NCALD: variants seen among roughly 807,000 people sequenced by gnomAD.
NCALD encodes the protein neurocalcin delta, also known as neurocalcin-delta.
NCALD carries 10 observed loss-of-function variants against 18.6 expected under a neutral mutation model. The ratio of observed to expected loss-of-function variants is 0.54; its 90% CI spans 0.33 to 0.91. The LOEUF is 0.91. Ranked by LOEUF, NCALD falls within the 40% of genes least tolerant of loss-of-function variation. The pLI is 0.03. For synonymous variants in NCALD, 88 were observed against 87.4 expected, an observed-to-expected ratio of 1.01 and a Z score of -0.04; for missense variants, 184 against 247.6, an observed-to-expected ratio of 0.74 and a Z score of 1.72.
At chr8:101,786,227 C>A (rs1812221698) in intron 1 of NCALD, among the ~76,000 whole-genome samples, 1 of 152,150 alleles carries the variant, frequency 6.6e-6, no homozygotes, top group Admixed American at 6.6e-5. Flanking sequence ...TTGCTGAATG[C>A]ATGAAAGACT....
intron 2 of NCALD, among the ~76,000 whole-genome samples, chr8:102,002,256 A>T (rs1218395040): frequency 6.6e-6 from 1 of 152,218 alleles, no homozygotes; most frequent in Non-Finnish European, 1.5e-5. Context: ...AATTTAAACC[A>T]ACAAAGATCA....
At chr8:101,843,261 A>G (rs1814717772) in intron 4 of NCALD, among the ~76,000 whole-genome samples, 1 of 152,260 alleles carries the variant, frequency 6.6e-6, no homozygotes, top group African/African-American at 2.4e-5. Context: ...AAGAGTACAC[A>G]ATATCTACTC....
At chr8:101,820,934 ACATTTTAATCAT>A (rs1306745072) in intron 4 of NCALD, among the ~76,000 whole-genome samples, 6 of 152,238 alleles carry the variant, frequency 3.9e-5, no homozygotes, top group African/African-American at 1.4e-4. Flanking sequence ...CCAAATGGGG[ACATTTTAATCAT>A]CAAGTATACA....
intron 4 of NCALD, among the ~76,000 whole-genome samples, chr8:101,855,528 G>C (rs968659654): frequency 1.3e-5 from 2 of 152,090 alleles, no homozygotes; most frequent in Admixed American, 1.3e-4. Context: ...GTTTGTTAGA[G>C]CAGCATAATA....
intron 1 of NCALD, among the ~76,000 whole-genome samples, chr8:102,116,257 TAAACAAAAACAA>T (rs1239513878): frequency 7.4e-5 from 11 of 148,962 alleles, no homozygotes; most frequent in African/African-American, 2.2e-4. Context: ...TAAAGTATAA[TAAACAAAAACAA>T]AAACAAAAAC....
At chr8:101,968,601 ATGCT>A (rs1470951078) in intron 2 of NCALD, among the ~76,000 whole-genome samples, 1 of 152,094 alleles carries the variant, frequency 6.6e-6, no homozygotes, top group Non-Finnish European at 1.5e-5. Flanking sequence ...GCTGTGAAAA[ATGCT>A]TGCTGTAATG....
intron 1 of NCALD, among the ~76,000 whole-genome samples, chr8:102,026,045 C>G (rs532659778): frequency 1.3e-4 from 20 of 152,258 alleles, no homozygotes; most frequent in African/African-American, 3.9e-4. Context: ...TAAGAACTCA[C>G]TCACTGAGGG....
At chr8:101,760,962 G>T (rs1293738594) in intron 1 of NCALD, among the ~76,000 whole-genome samples, 1 of 145,280 alleles carries the variant, frequency 6.9e-6, no homozygotes. Flanking sequence ...TAGAAGCCCT[G>T]TGTTCTATCC....
intron 2 of NCALD, among the ~76,000 whole-genome samples, chr8:101,927,736 C>T (rs554008682): frequency 1.0e-3 from 154 of 152,256 alleles, no homozygotes; most frequent in African/African-American, 3.6e-3. Flanking sequence ...TGTGTCTACC[C>T]AGTGTCCTGT....
At chr8:101,986,706 C>T (rs1820827503) in intron 2 of NCALD, 1 of 152,234 alleles carries the variant, frequency 6.6e-6, no homozygotes, top group Admixed American at 6.5e-5. Flanking sequence ...CACCCAGAGC[C>T]CAACTCAGTA....
chr8:101,798,068 A>G (rs1411767031), intron 4 of NCALD, among the ~76,000 whole-genome samples: 2 of 152,204 alleles, frequency 1.3e-5, no homozygotes, highest in African/African-American at 4.8e-5. Context: ...CTTAATAGTG[A>G]GAGTAAATAT....
intron 1 of NCALD, among the ~76,000 whole-genome samples, chr8:101,750,994 T>C (rs1280450625): frequency 2.6e-5 from 4 of 152,208 alleles, no homozygotes; most frequent in African/African-American, 9.7e-5. Flanking sequence ...GATTTCTCTT[T>C]TCCATCAGAA....
At chr8:101,733,970 C>T (rs1481407114) in intron 1 of NCALD, among the ~76,000 whole-genome samples, 2 of 152,190 alleles carry the variant, frequency 1.3e-5, no homozygotes, top group Non-Finnish European at 2.9e-5. Flanking sequence ...GAGGCTGTGG[C>T]TCTGTATACA....
rs569828262 is a variant in NCALD, at chr8:101,891,763, G to A, written c.-106-4536C>T. Among the ~76,000 whole-genome samples, 9 of 152,304 alleles carry A rather than the reference G, an allele frequency of 5.9e-5. No individual in the cohort carries two copies. The East Asian group carries it at 1.7e-3, about 29-fold the overall frequency. On this transcript the variant is annotated intron_variant, in intron 3 of 6. Transcript: ENST00000311028. The stretch of plus-strand genomic sequence containing the variant: ...AAGAAAGGGGTGATGGACGTACCTG[G>A]AAAATCAGGTCACTCCCACCCAAAT...
At chr8:101,788,999 T>G (rs187069629) in intron 1 of NCALD, 1 of 152,348 alleles carries the variant, frequency 6.6e-6, no homozygotes. Context: ...GCTGAATTAT[T>G]CTCTTGTATT....
chr8:101,971,342 C>A (rs1236077789), intron 2 of NCALD, among the ~76,000 whole-genome samples: 1 of 152,018 alleles, frequency 6.6e-6, no homozygotes, highest in Non-Finnish European at 1.5e-5. Context: ...TGTGTCCAAA[C>A]CCAAATCTCA....
At chr8:101,690,302 G>C in intron 3 of NCALD, 1 of 985,148 alleles carries the variant, frequency 1.0e-6, no homozygotes, top group Non-Finnish European at 1.2e-6. Flanking sequence ...TGGGAGTGAA[G>C]TGACATGCTC....
At chr8:101,839,676 C>G (rs1021662864) in intron 4 of NCALD, among the ~76,000 whole-genome samples, 16 of 152,182 alleles carry the variant, frequency 1.1e-4, no homozygotes, top group African/African-American at 3.6e-4. Context: ...TCAGGAGTCA[C>G]CCCAAGGGCT....
intron 4 of NCALD, among the ~76,000 whole-genome samples, chr8:101,875,038 A>G (rs1816172522): frequency 6.6e-6 from 1 of 152,362 alleles, no homozygotes; most frequent in Non-Finnish European, 1.5e-5. Context: ...TGACAACATA[A>G]CTGCATAATA....
Sources: allele counts gnomAD v4.1 joint callset (sites outside exome capture counted in the v4.1 genomes callset), GRCh38; gene constraint gnomAD v4.1.1; transcripts MANE v1.5; gene names NCBI Gene and HGNC (gene_info 2026-07-23, HGNC 2026-07-21).